The following CSNK2A2IP variants were observed in gnomAD, a reference collection of about 807,000 sequenced individuals.
CSNK2A2IP encodes casein kinase 2 subunit alpha' interacting protein.
chr3:88,390,666 G>A, the CSNK2A2IP span, among the ~76,000 whole-genome samples: 1 of 152,300 alleles, frequency 6.6e-6, no homozygotes, highest in African/African-American at 2.4e-5. Context: ...TCTATTAGGT[G>A]TGAAGGTTGC....
At chr3:88,410,444 C>T in the CSNK2A2IP span, among the ~76,000 whole-genome samples, 27 of 152,010 alleles carry the variant, frequency 1.8e-4, 1 homozygote, top group East Asian at 5.8e-4. Flanking sequence ...CATTTGTTGC[C>T]GTGTGAACCA....
the CSNK2A2IP span, among the ~76,000 whole-genome samples, chr3:88,338,888 T>C: frequency 7.2e-5 from 11 of 152,234 alleles, no homozygotes; most frequent in African/African-American, 2.6e-4. Context: ...TTCCCACTTA[T>C]GCTTTATTTA....
chr3:88,378,585 T>C, the CSNK2A2IP span, among the ~76,000 whole-genome samples: 39 of 152,056 alleles, frequency 2.6e-4, no homozygotes, highest in Non-Finnish European at 5.2e-4. Context: ...AAAATTTAAA[T>C]TTAAATAGAC....
the CSNK2A2IP span, among the ~76,000 whole-genome samples, chr3:88,390,267 G>A: frequency 5.3e-5 from 8 of 152,214 alleles, no homozygotes; most frequent in South Asian, 2.1e-4. Flanking sequence ...ACAGAAAACC[G>A]TCCATGTAGC....
At chr3:88,417,103 A>AT in the CSNK2A2IP span, among the ~76,000 whole-genome samples, 16,495 of 149,624 alleles carry the variant, frequency 0.11, 1,265 homozygotes, top group Admixed American at 0.25. Flanking sequence ...GATAACATGA[A>AT]TTTTTTTTTT....
chr3:88,359,508 A>G, the CSNK2A2IP span, among the ~76,000 whole-genome samples: 6 of 152,060 alleles, frequency 3.9e-5, no homozygotes, highest in Admixed American at 1.3e-4. Context: ...ATTTATTGCT[A>G]TAAACTTTCC....
the CSNK2A2IP span, among the ~76,000 whole-genome samples, chr3:88,374,850 A>C: frequency 6.6e-6 from 1 of 151,750 alleles, no homozygotes; most frequent in African/African-American, 2.4e-5. Flanking sequence ...GAAGTTATTC[A>C]AATATATTCC....
the CSNK2A2IP span, among the ~76,000 whole-genome samples, chr3:88,372,862 T>C: frequency 1.3e-5 from 2 of 151,462 alleles, no homozygotes; most frequent in African/African-American, 4.8e-5. Flanking sequence ...TAAATAGATT[T>C]AACACAAGGA....
the CSNK2A2IP span, among the ~76,000 whole-genome samples, chr3:88,422,029 T>C: frequency 6.6e-6 from 1 of 152,208 alleles, no homozygotes; most frequent in South Asian, 2.1e-4. Context: ...ATATTGTCCA[T>C]CTTTTGCTAC....
At chr3:88,458,035 A>T in the CSNK2A2IP span, among the ~76,000 whole-genome samples, 2 of 147,428 alleles carry the variant, frequency 1.4e-5, no homozygotes, top group Admixed American at 1.4e-4. Context: ...TGTCTCATTT[A>T]TTGGCATAAT....
the CSNK2A2IP span, among the ~76,000 whole-genome samples, chr3:88,459,671 G>A: frequency 6.6e-6 from 1 of 152,068 alleles, no homozygotes; most frequent in Non-Finnish European, 1.5e-5. Context: ...TAACTACCAT[G>A]TGAATAGTTT....
the CSNK2A2IP span, among the ~76,000 whole-genome samples, chr3:88,426,889 T>TGGGGGGGGG: frequency 7.3e-5 from 9 of 123,686 alleles, no homozygotes; most frequent in Non-Finnish European, 1.2e-4. Context: ...CCACGGGGGA[T>TGGGGGGGGG]GGGGGGGGGC....
At chr3:88,382,236 T>C in the CSNK2A2IP span, among the ~76,000 whole-genome samples, 1 of 152,190 alleles carries the variant, frequency 6.6e-6, no homozygotes, top group Non-Finnish European at 1.5e-5. Flanking sequence ...ACCTTTGAGA[T>C]AGAAAGTGAT....
At chr3:88,446,055 TTTCTTTCTTTC>T in the CSNK2A2IP span, among the ~76,000 whole-genome samples, 131 of 123,092 alleles carry the variant, frequency 1.1e-3, 1 homozygote, top group African/African-American at 3.5e-3. Context: ...TCTTTCTTTC[TTTCTTTCTTTC>T]TTTCTTTCTT....
At chr3:88,358,704 A>T in the CSNK2A2IP span, among the ~76,000 whole-genome samples, 1 of 152,092 alleles carries the variant, frequency 6.6e-6, no homozygotes, top group African/African-American at 2.4e-5. Context: ...GATGATAATG[A>T]ATCTTTTTAC....
chr3:88,446,042 C>CT, the CSNK2A2IP span, among the ~76,000 whole-genome samples: 73 of 40,052 alleles, frequency 1.8e-3, 2 homozygotes, highest in Admixed American at 3.5e-3. Flanking sequence ...TTCTTTCTTT[C>CT]TTTCTTTCTT....
chr3:88,379,434 A>C, the CSNK2A2IP span, among the ~76,000 whole-genome samples: 2 of 152,232 alleles, frequency 1.3e-5, no homozygotes, highest in East Asian at 1.9e-4. Context: ...GTTTTAGAGG[A>C]GGTCACTTTC....
At chr3:88,414,423 C>T in the CSNK2A2IP span, among the ~76,000 whole-genome samples, 1 of 151,130 alleles carries the variant, frequency 6.6e-6, no homozygotes, top group Non-Finnish European at 1.5e-5. Flanking sequence ...GCTGGGACTA[C>T]AGGCGTGCCC....
chr3:88,465,445 C>T, the CSNK2A2IP span: 2 of 1,231,650 alleles, frequency 1.6e-6, no homozygotes, highest in Non-Finnish European at 2.0e-6. Context: ...AACACATCAA[C>T]ATACAGGTGA....
Sources: gnomAD v4.1 joint callset for allele counts (sites outside exome capture counted in the v4.1 genomes callset) on GRCh38, gnomAD v4.1.1 for gene constraint, MANE v1.5 for transcripts, NCBI Gene and HGNC (gene_info 2026-07-23, HGNC 2026-07-21) for gene names.